Variants in THSD7A observed in about 807,000 individuals in gnomAD.
THSD7A encodes the protein thrombospondin type-1 domain-containing protein 7A.
A neutral mutation model predicts 231.3 loss-of-function variants in THSD7A; 96 were observed. The observed-to-expected ratio is 0.41, with a 90% CI of 0.35 to 0.49. The LOEUF is 0.49. Among genes scored for constraint, THSD7A ranks in the 20% least tolerant of loss-of-function variants. The pLI is 0.05. For synonymous variants in THSD7A, 940 were observed against 743.3 expected, an observed-to-expected ratio of 1.26 and a Z score of -4.30; for missense variants, 2,290 against 2,070.2, an observed-to-expected ratio of 1.11 and a Z score of -2.06.
intron 1 of THSD7A, among the ~76,000 whole-genome samples, chr7:11,641,696 G>C (rs1223789821): frequency 6.6e-6 from 1 of 150,638 alleles, no homozygotes; most frequent in East Asian, 1.9e-4. Context: ...ACAATAAAAT[G>C]CATGAAGGCA....
intron 1 of THSD7A, among the ~76,000 whole-genome samples, chr7:11,641,551 A>G (rs1782081664): frequency 1.3e-5 from 2 of 152,100 alleles, no homozygotes; most frequent in African/African-American, 4.8e-5. Context: ...ACAGATTTTT[A>G]TTAACCAGCT....
intron 2 of THSD7A, among the ~76,000 whole-genome samples, chr7:11,595,220 T>C (rs1434524908): frequency 6.6e-6 from 1 of 152,162 alleles, no homozygotes. Context: ...ACTAAAGTCC[T>C]GGCAGGCCCC....
At chr7:11,703,908 AAG>A (rs1038691300) in intron 1 of THSD7A, among the ~76,000 whole-genome samples, 5 of 151,218 alleles carry the variant, frequency 3.3e-5, no homozygotes, top group Non-Finnish European at 5.9e-5. Flanking sequence ...AAGAAGGAAA[AAG>A]AATTTCTCAC....
intron 1 of THSD7A, among the ~76,000 whole-genome samples, chr7:11,639,436 G>A (rs1429282741): frequency 2.6e-5 from 4 of 152,172 alleles, no homozygotes; most frequent in African/African-American, 4.8e-5. Context: ...TTGGGAGGCC[G>A]AGGCGGGCGG....
chr7:11,598,972 T>C (rs900104338), intron 2 of THSD7A, among the ~76,000 whole-genome samples: 1 of 152,170 alleles, frequency 6.6e-6, no homozygotes, highest in East Asian at 1.9e-4. Context: ...GGAGTTACAG[T>C]GTTGGCTGGG....
intron 1 of THSD7A, among the ~76,000 whole-genome samples, chr7:11,709,509 G>C (rs899882022): frequency 2.0e-5 from 3 of 150,744 alleles, no homozygotes; most frequent in African/African-American, 4.8e-5. Flanking sequence ...ATAACTCATG[G>C]AGATAATGGA....
chr7:11,530,877 C>T (rs761614344), intron 6 of THSD7A, among the ~76,000 whole-genome samples: 4 of 151,906 alleles, frequency 2.6e-5, no homozygotes, highest in East Asian at 1.9e-4. Context: ...CATGCATGGT[C>T]GCGGGTGTCT....
intron 1 of THSD7A, among the ~76,000 whole-genome samples, chr7:11,819,875 C>T (rs1411137323): frequency 6.6e-6 from 1 of 152,072 alleles, no homozygotes; most frequent in East Asian, 1.9e-4. Context: ...ACCACACTAG[C>T]GCAAGATTCT....
intron 4 of THSD7A, among the ~76,000 whole-genome samples, chr7:11,589,696 A>G (rs1780076261): frequency 6.6e-6 from 1 of 152,212 alleles, no homozygotes; most frequent in African/African-American, 2.4e-5. Flanking sequence ...CTCAGACAGA[A>G]GGAGGATAAA....
intron 3 of THSD7A, among the ~76,000 whole-genome samples, chr7:11,592,335 T>C (rs1345248380): frequency 2.0e-5 from 3 of 152,236 alleles, no homozygotes; most frequent in Admixed American, 2.0e-4. Flanking sequence ...AAGATCTAGC[T>C]ATATGCATGT....
intron 2 of THSD7A, among the ~76,000 whole-genome samples, chr7:11,610,600 T>C (rs890391239): frequency 1.3e-5 from 2 of 152,166 alleles, no homozygotes; most frequent in South Asian, 2.1e-4. Flanking sequence ...CAGTTCTTTC[T>C]GCACTCAGAG....
At chr7:11,431,791 C>T (rs1451369781) in intron 13 of THSD7A, among the ~76,000 whole-genome samples, 1 of 152,106 alleles carries the variant, frequency 6.6e-6, no homozygotes, top group Admixed American at 6.6e-5. Context: ...GCACTGCCGT[C>T]TTAATTCAGA....
chr7:11,507,852 G>C (rs1462590207), intron 6 of THSD7A, among the ~76,000 whole-genome samples: 1 of 152,088 alleles, frequency 6.6e-6, no homozygotes, highest in Admixed American at 6.5e-5. Flanking sequence ...AAAATATAAG[G>C]AACTCTTATG....
chr7:11,566,060 G>A (rs1790305933), intron 4 of THSD7A, among the ~76,000 whole-genome samples: 1 of 152,078 alleles, frequency 6.6e-6, no homozygotes, highest in African/African-American at 2.4e-5. Context: ...AAAAATAGCA[G>A]TAAGGCTTCT....
In THSD7A at chr7:11,593,359, G is replaced by T. The variant is rs1780239740; in HGVS notation, c.1166C>A (p.Thr389Lys). ...MVSPAGTRVR[T>K]RTIRQFPIGS... The stretch of plus-strand genomic sequence containing the variant: ...AATGGGAAACTGCCTGATGGTTCGT[G>T]TCCTTACACGAGTGCCTGCAGGGGA... The change falls in exon 3 of 28, where the codon ACA becomes AAA. Residue 389 changes from threonine (T) to lysine (K), a missense_variant. By Grantham distance (78) the Thr-to-Lys change is moderately conservative. Coordinates refer to ENST00000423059, the MANE Select transcript of THSD7A (RefSeq NM_015204.3). 1.2e-6 allele frequency: 2 copies of T among 1,613,888 alleles called. No individual in the cohort carries two copies. Among genetic ancestry groups the T allele is most frequent in the East Asian group, 2.2e-5 (1 of 44,888 alleles).
At position 11,740,936 on chromosome 7, in the gene THSD7A, A is replaced by G. The variant is rs1173047222; in HGVS notation, c.190+90821T>C. ...CTGAATTACTGAACATGTGAATTAC[A>G]TAACGCTGTTTATGTGAAAAATACA... On this transcript the variant is annotated intron_variant, in intron 1 of 27. Coordinates refer to ENST00000423059, the MANE Select transcript of THSD7A (RefSeq NM_015204.3). Among the ~76,000 whole-genome samples, 7 of 152,118 alleles carry G rather than the reference A, an allele frequency of 4.6e-5. No individual in the cohort carries two copies. The East Asian group carries it at 1.2e-3, about 25-fold the overall frequency.
intron 1 of THSD7A, among the ~76,000 whole-genome samples, chr7:11,736,436 G>GGGT (rs1480124553): frequency 2.0e-5 from 3 of 151,484 alleles, no homozygotes. Context: ...ACTCCAGCCT[G>GGGT]GGTGACACAG....
At chr7:11,822,768 A>G (rs1784911865) in intron 1 of THSD7A, among the ~76,000 whole-genome samples, 1 of 151,782 alleles carries the variant, frequency 6.6e-6, no homozygotes, top group Non-Finnish European at 1.5e-5. Flanking sequence ...TTTTAGTGGG[A>G]TTTTTAAAAA....
chr7:11,473,088 C>A (rs1459860700), intron 8 of THSD7A, among the ~76,000 whole-genome samples: 3 of 152,048 alleles, frequency 2.0e-5, no homozygotes, highest in African/African-American at 4.8e-5. Context: ...AATAGTCTTT[C>A]AATTTATTCA....
Sources: gnomAD v4.1 joint callset for allele counts (sites outside exome capture counted in the v4.1 genomes callset) on GRCh38, gnomAD v4.1.1 for gene constraint, MANE v1.5 for transcripts, NCBI Gene and HGNC (gene_info 2026-07-23, HGNC 2026-07-21) for gene names.